CRPPA: variants seen among roughly 807,000 people sequenced by gnomAD.
CRPPA encodes the protein CDP-L-ribitol pyrophosphorylase A.
CRPPA carries 43 observed loss-of-function variants against 52.0 expected under a neutral mutation model. The ratio of observed to expected loss-of-function variants is 0.83; its 90% CI spans 0.65 to 1.07. The LOEUF is 1.07. CRPPA is among the 50% of genes least tolerant of loss of function. CRPPA has a pLI of 0.00. For synonymous variants in CRPPA, 250 were observed against 203.5 expected (o/e 1.23, Z -1.94); for missense variants, 629 against 551.7 (o/e 1.14, Z -1.40).
At chr7:16,367,618 G>C (rs1955371) in intron 3 of CRPPA, among the ~76,000 whole-genome samples, 1 of 152,014 alleles carries the variant, frequency 6.6e-6, no homozygotes, top group East Asian at 1.9e-4. Context: ...TGTTAACTCA[G>C]TATTTAAAGC....
At chr7:16,398,439 G>C (rs953498418) in intron 2 of CRPPA, among the ~76,000 whole-genome samples, 2 of 152,010 alleles carry the variant, frequency 1.3e-5, no homozygotes, top group Admixed American at 1.3e-4. Context: ...ACGTGACCGA[G>C]GTTTGTGACA....
chr7:16,391,860 C>T (rs1238177325), intron 2 of CRPPA, among the ~76,000 whole-genome samples: 2 of 152,060 alleles, frequency 1.3e-5, no homozygotes, highest in Non-Finnish European at 2.9e-5. Flanking sequence ...ACTGATTAGG[C>T]CACACAAAGA....
intron 9 of CRPPA, among the ~76,000 whole-genome samples, chr7:16,125,928 CACACACAA>C (rs1782571320): frequency 8.6e-6 from 1 of 116,322 alleles, no homozygotes; most frequent in African/African-American, 3.0e-5. Context: ...CACACACACA[CACACACAA>C]ATACATACAT....
chr7:16,408,705 T>G (rs779901159), intron 1 of CRPPA, among the ~76,000 whole-genome samples: 1 of 152,316 alleles, frequency 6.6e-6, no homozygotes, highest in East Asian at 1.9e-4. Flanking sequence ...TTACCTTAAA[T>G]GGCAAACAGG....
chr7:16,196,609 T>C (rs181578087), intron 9 of CRPPA, among the ~76,000 whole-genome samples: 11 of 152,240 alleles, frequency 7.2e-5, no homozygotes, highest in Admixed American at 1.3e-4. Context: ...AGACAAACAA[T>C]GTCAGAGAAC....
rs182466575 is a variant in CRPPA at position 16,245,608 on chromosome 7, T to C, written c.1119+12782A>G. ...TCTAGACATAATCTAGTGACACATT[T>C]TTCTATTAAGGTAATAATGCTCATA... On this transcript the variant is annotated intron_variant, in intron 8 of 9. Coordinates refer to ENST00000407010, the MANE Select transcript of CRPPA (RefSeq NM_001101426.4). Among the ~76,000 whole-genome samples, 216 of 152,292 alleles carry C rather than the reference T, an allele frequency of 1.4e-3. 1 individual carries two copies. Among genetic ancestry groups the C allele is most frequent in the African/African-American group, 5.0e-3 (207 of 41,572 alleles).
At chr7:16,239,558 G>GAAAAAAA (rs1783048039) in intron 8 of CRPPA, among the ~76,000 whole-genome samples, 1 of 16,694 alleles carries the variant, frequency 6.0e-5, no homozygotes, top group Non-Finnish European at 1.2e-4. Flanking sequence ...GAAGTCAATA[G>GAAAAAAA]CAAAAAAAAA....
intron 4 of CRPPA, among the ~76,000 whole-genome samples, chr7:16,301,683 T>C (rs1463423656): frequency 1.3e-5 from 2 of 152,234 alleles, no homozygotes; most frequent in African/African-American, 2.4e-5. Flanking sequence ...AATTAAGATA[T>C]TATGTGGCAG....
chr7:16,192,266 ATATATATAT>A (rs1781630837), intron 9 of CRPPA, among the ~76,000 whole-genome samples: 1 of 152,006 alleles, frequency 6.6e-6, no homozygotes, highest in East Asian at 1.9e-4. Context: ...CCCCTTAAGA[ATATATATAT>A]TCTATTGGTT....
chr7:16,095,153 T>A (rs1562500272), intron 9 of CRPPA, among the ~76,000 whole-genome samples: 1 of 152,210 alleles, frequency 6.6e-6, no homozygotes, highest in Admixed American at 6.5e-5. Context: ...AGATATTTTT[T>A]AATTGATGAC....
chr7:16,328,707 G>A (rs1181107726), intron 3 of CRPPA, among the ~76,000 whole-genome samples: 6 of 152,016 alleles, frequency 3.9e-5, no homozygotes, highest in African/African-American at 1.4e-4. Context: ...TAGACATGGG[G>A]TTTCACCATG....
chr7:16,175,691 C>A (rs922756401), intron 9 of CRPPA, among the ~76,000 whole-genome samples: 1 of 151,654 alleles, frequency 6.6e-6, no homozygotes, highest in Admixed American at 6.6e-5. Flanking sequence ...TACAAAGTGG[C>A]AATAATGAGA....
At position 16,239,137 on chromosome 7, in the gene CRPPA, C is replaced by CAAAAAAAAAAAAAAAAAAA. The variant is rs35537101; in HGVS notation, c.1119+19234_1119+19252dup. Reference sequence around the variant, plus strand: ...TGAGCCACAGAGCAAGACTCTGTCTCAAAAAAAAAAAAAAAAAAAAGCCAT... The same window carrying CAAAAAAAAAAAAAAAAAAA: ...TGAGCCACAGAGCAAGACTCTGTCTCAAAAAAAAAAAAAAAAAAAAAAAAAAAAAAAAAAAAAAAGCCAT... On this transcript the variant is annotated intron_variant, in intron 8 of 9. Coordinates refer to ENST00000407010, the MANE Select transcript of CRPPA (RefSeq NM_001101426.4). Among the ~76,000 whole-genome samples the CAAAAAAAAAAAAAAAAAAA allele has an allele frequency of 5.6e-5, 5 of 88,526 alleles. 1 individual carries two copies. The highest frequency in any genetic ancestry group is 7.2e-4 in the East Asian group (2 of 2,768). 58.1% of individuals were successfully genotyped at this position (88,526 alleles called of 152,430 possible).
intron 8 of CRPPA, among the ~76,000 whole-genome samples, chr7:16,220,958 T>A (rs1306056141): frequency 6.6e-6 from 1 of 152,020 alleles, no homozygotes; most frequent in Non-Finnish European, 1.5e-5. Flanking sequence ...AAAGTTCATA[T>A]GGAACCAAAA....
At chr7:16,396,415 A>T (rs966565928) in intron 2 of CRPPA, among the ~76,000 whole-genome samples, 22 of 152,334 alleles carry the variant, frequency 1.4e-4, no homozygotes, top group Admixed American at 4.6e-4. Flanking sequence ...CCTAAAAAAA[A>T]CAGTAGATGT....
intron 8 of CRPPA, among the ~76,000 whole-genome samples, chr7:16,221,469 T>C (rs1245619038): frequency 6.6e-6 from 1 of 152,138 alleles, no homozygotes; most frequent in Admixed American, 6.6e-5. Context: ...CTAAAGAGCT[T>C]CTGCACAGCA....
In CRPPA at chr7:16,251,101, T is replaced by A. The variant is rs373061351; in HGVS notation, c.1119+7289A>T. ...TCCTAGTCTCTGATAAAATAGATTT[T>A]AAACCAACAAAGATAAAAAAATACA... On this transcript the variant is annotated intron_variant, in intron 8 of 9. Coordinates refer to ENST00000407010, the MANE Select transcript of CRPPA (RefSeq NM_001101426.4). 2.2e-4 allele frequency among the ~76,000 whole-genome samples: 33 copies of A among 151,920 alleles called. No individual in the cohort carries two copies. In the East Asian group the frequency reaches 2.5e-3, roughly 12 times the overall value.
At chr7:16,363,407 A>G (rs1786508490) in intron 3 of CRPPA, among the ~76,000 whole-genome samples, 1 of 152,238 alleles carries the variant, frequency 6.6e-6, no homozygotes, top group South Asian at 2.1e-4. Context: ...TGCAGCTAGC[A>G]GTATTCACCC....
At chr7:16,312,478 C>G (rs567327329) in intron 3 of CRPPA, among the ~76,000 whole-genome samples, 1 of 152,100 alleles carries the variant, frequency 6.6e-6, no homozygotes, top group African/African-American at 2.4e-5. Context: ...TTTTCTAATA[C>G]TGTCCCTTAA....
Sources: allele counts gnomAD v4.1 joint callset (sites outside exome capture counted in the v4.1 genomes callset), GRCh38; gene constraint gnomAD v4.1.1; transcripts MANE v1.5; gene names NCBI Gene and HGNC (gene_info 2026-07-23, HGNC 2026-07-21).